The following NLRP8 variants were observed in gnomAD, a reference collection of about 807,000 sequenced individuals.
NLRP8 encodes NLR family pyrin domain containing 8.
A neutral mutation model predicts 88.7 loss-of-function variants in NLRP8; 86 were observed. That is an observed-to-expected ratio of 0.97 (90% CI 0.81 to 1.16). NLRP8 has a LOEUF of 1.16. Ranked by LOEUF, NLRP8 falls within the 50% of genes most tolerant of loss-of-function variation. NLRP8 has a pLI of 0.00. For missense variants in NLRP8, 1,342 were observed against 1,286.5 expected (o/e 1.04, Z -0.66); for synonymous variants, 504 against 494.6 (o/e 1.02, Z -0.25).
chr19:55,977,086 A>T (rs1030391858), intron 8 of NLRP8, among the ~76,000 whole-genome samples: 5 of 148,642 alleles, frequency 3.4e-5, no homozygotes, highest in Admixed American at 1.4e-4. Flanking sequence ...TCTCAAAAAA[A>T]AAAAAAGATA....
chr19:55,965,982 A>G (rs1339739001), intron 4 of NLRP8, among the ~76,000 whole-genome samples: 2 of 152,192 alleles, frequency 1.3e-5, no homozygotes, highest in Admixed American at 1.3e-4. Context: ...TAGACTGGAT[A>G]AAGAAAATGT....
At chr19:55,957,252 G>A (rs747003045) in intron 3 of NLRP8, among the ~76,000 whole-genome samples, 2 of 152,194 alleles carry the variant, frequency 1.3e-5, no homozygotes, top group Non-Finnish European at 2.9e-5. Context: ...TGGTGTGACC[G>A]AGTGAATGAA....
At chr19:55,964,656 G>A (rs1352779981) in intron 4 of NLRP8, among the ~76,000 whole-genome samples, 2 of 151,696 alleles carry the variant, frequency 1.3e-5, no homozygotes, top group Non-Finnish European at 2.9e-5. Context: ...GGAGGCTGAG[G>A]CAGGAGAATT....
intron 5 of NLRP8, among the ~76,000 whole-genome samples, chr19:55,968,065 T>G (rs548683782): frequency 2.6e-5 from 4 of 152,222 alleles, no homozygotes; most frequent in Non-Finnish European, 5.9e-5. Flanking sequence ...AATAAAACTT[T>G]ATGAACACTG....
chr19:55,952,797 T>C (rs924092386), intron 2 of NLRP8, among the ~76,000 whole-genome samples, 185 bp downstream of exon 2: 3 of 152,104 alleles, frequency 2.0e-5, no homozygotes, highest in African/African-American at 7.2e-5. Context: ...GTGGTGGCAG[T>C]TGCCTGTAGT....
chr19:55,972,356 C>T (rs75874048), intron 6 of NLRP8, among the ~76,000 whole-genome samples: 10,839 of 151,778 alleles, frequency 0.071, 418 homozygotes, highest in Non-Finnish European at 0.079. Flanking sequence ...CTCAGGTGAT[C>T]CACCTGCCTC....
At chr19:55,966,582 C>G (rs1979853998) in intron 5 of NLRP8, among the ~76,000 whole-genome samples, 2 of 152,058 alleles carry the variant, frequency 1.3e-5, no homozygotes, top group Non-Finnish European at 2.9e-5. Flanking sequence ...GCGGGAGGAT[C>G]ACGAGGTAGA....
Position 55,955,520 on chromosome 19 carries a change from C to A in NLRP8, c.1462C>A (p.Leu488Ile). Residue 488 changes from leucine to isoleucine, a missense_variant, in exon 3 of 10, where the codon CTT becomes ATT. Physicochemically the swap from Leu to Ile is conservative, Grantham distance 5. Coordinates refer to ENST00000291971, the MANE Select transcript of NLRP8 (RefSeq NM_176811.2). Reference sequence around the variant, plus strand: ...GGATCAGACGGGAGTCACCGCCTTCCTTGGCATGAGTATTCTTCGGAGAAT... The same window carrying A: ...GGATCAGACGGGAGTCACCGCCTTCATTGGCATGAGTATTCTTCGGAGAAT... 6.2e-7 allele frequency: 1 copy of A among 1,614,204 alleles called. No homozygotes were observed. Among genetic ancestry groups the A allele is most frequent in the Non-Finnish European group, 8.5e-7 (1 of 1,180,028 alleles).
chr19:55,976,067 GT>G, intron 7 of NLRP8, 65 bp from the exon 8 acceptor site: 4 of 1,308,620 alleles, frequency 3.1e-6, no homozygotes, highest in Non-Finnish European at 4.1e-6. Context: ...TGTTTTCGTT[GT>G]TGTTGTTGTT....
At chr19:55,949,796 G>C (rs985268826) in intron 1 of NLRP8, among the ~76,000 whole-genome samples, 1 of 152,160 alleles carries the variant, frequency 6.6e-6, no homozygotes, top group Admixed American at 6.5e-5. Context: ...CAGGAGAGTG[G>C]GTGCCTTACG....
At chr19:55,969,177 G>C (rs1292704425) in intron 5 of NLRP8, among the ~76,000 whole-genome samples, 1 of 152,154 alleles carries the variant, frequency 6.6e-6, no homozygotes, top group Non-Finnish European at 1.5e-5. Context: ...CTTTAGTGGT[G>C]ATTTCTAAGA....
intron 6 of NLRP8, among the ~76,000 whole-genome samples, chr19:55,972,868 T>C (rs1481999703): frequency 6.6e-6 from 1 of 151,916 alleles, no homozygotes; most frequent in Non-Finnish European, 1.5e-5. Context: ...TGTTGTTTTA[T>C]GGGCATTTGG....
rs990238322 is a variant in NLRP8, at chr19:55,961,218, T to G, written c.2043-849T>G. On this transcript the variant is annotated intron_variant, in intron 3 of 9. Coordinates refer to ENST00000291971, the MANE Select transcript of NLRP8 (RefSeq NM_176811.2). The stretch of plus-strand genomic sequence containing the variant: ...TGCCCGGCCACTTTCAACTATTTCT[T>G]TAATGCAACCAACAGCAATCTTCAC... Among the ~76,000 whole-genome samples the G allele has an allele frequency of 2.6e-5, 4 of 152,154 alleles. No homozygotes were observed. The East Asian group carries it at 7.7e-4, about 29-fold the overall frequency.
intron 8 of NLRP8, among the ~76,000 whole-genome samples, chr19:55,978,924 CA>C (rs1044852418): frequency 4.6e-5 from 7 of 151,508 alleles, no homozygotes; most frequent in African/African-American, 1.2e-4. Context: ...ACTCAGTCTC[CA>C]AAAAAAATTT....
chr19:55,967,059 C>G (rs997874180), intron 5 of NLRP8, among the ~76,000 whole-genome samples: 5 of 152,110 alleles, frequency 3.3e-5, no homozygotes, highest in African/African-American at 4.8e-5. Context: ...AACATTTATC[C>G]TTTGTATTAC....
chr19:55,980,758 C>T (rs1980538644), intron 9 of NLRP8, among the ~76,000 whole-genome samples: 1 of 152,148 alleles, frequency 6.6e-6, no homozygotes, highest in African/African-American at 2.4e-5. Context: ...AAGTGGCGTC[C>T]CATCACGTCT....
intron 8 of NLRP8, 96 bp from the exon 9 acceptor site, chr19:55,979,298 A>C: frequency 7.8e-7 from 1 of 1,288,666 alleles, no homozygotes; most frequent in Non-Finnish European, 1.1e-6. Context: ...CATTCCTGTC[A>C]GTGTGATTTC....
At chr19:55,970,185 A>T (rs1980010386) in intron 5 of NLRP8, among the ~76,000 whole-genome samples, 1 of 152,244 alleles carries the variant, frequency 6.6e-6, no homozygotes, top group Admixed American at 6.5e-5. Flanking sequence ...AGCTTGATTG[A>T]TGCCTTCTAT....
chr19:55,969,316 C>A (rs1025916057), intron 5 of NLRP8, among the ~76,000 whole-genome samples: 1 of 152,192 alleles, frequency 6.6e-6, no homozygotes, highest in African/African-American at 2.4e-5. Flanking sequence ...TATGCCTTTG[C>A]ATCATCATAG....
Sources: gnomAD v4.1 joint callset for allele counts (sites outside exome capture counted in the v4.1 genomes callset) on GRCh38, gnomAD v4.1.1 for gene constraint, MANE v1.5 for transcripts, NCBI Gene and HGNC (gene_info 2026-07-23, HGNC 2026-07-21) for gene names.